The following KAZN variants were observed in gnomAD, a reference collection of about 807,000 sequenced individuals.
KAZN encodes kazrin.
In KAZN, 40 loss-of-function variants were observed where a neutral mutation model predicts 87.4. That is an observed-to-expected ratio of 0.46 (90% confidence interval 0.36 to 0.60). The LOEUF (loss-of-function observed/expected upper bound fraction) is 0.60, where lower values mean the gene tolerates loss of function less well. KAZN is among the 20% of genes least tolerant of loss of function. KAZN has a pLI of 0.00. For synonymous variants in KAZN, 466 were observed against 458.3 expected (o/e 1.02, Z -0.22); for missense variants, 898 against 1,073.9 (o/e 0.84, Z 2.29).
chr1:14,166,592 T>C (rs376454723), intron 1 of KAZN, among the ~76,000 whole-genome samples: 3 of 124,508 alleles, frequency 2.4e-5, no homozygotes, highest in African/African-American at 1.1e-4. Flanking sequence ...GCTGCTTTTG[T>C]TATAAATTTG....
At chr1:14,060,864 C>T (rs1450671917) in intron 1 of KAZN, among the ~76,000 whole-genome samples, 2 of 152,164 alleles carry the variant, frequency 1.3e-5, no homozygotes, top group African/African-American at 4.8e-5. Flanking sequence ...TTTGGTCACC[C>T]TCCATGTAAG....
Position 14,336,819 on chromosome 1 carries a change from A to AT in KAZN, c.249+156234dup, listed in dbSNP as rs905371977. On this transcript the variant is annotated intron_variant, in intron 2 of 16. Coordinates refer to the KAZN transcript ENST00000636203. Reference sequence around the variant, plus strand: ...TTTCTTTGTCTCTTTGTTGAATTATATTTTTTTATATAATCTGGTACTATA... The same window carrying AT: ...TTTCTTTGTCTCTTTGTTGAATTATATTTTTTTTATATAATCTGGTACTATA... Among the ~76,000 whole-genome samples, 5 of 152,066 alleles carry AT rather than the reference A, an allele frequency of 3.3e-5. No homozygotes were observed. In the East Asian group the frequency reaches 7.7e-4, roughly 23 times the overall value.
chr1:14,713,793 A>G (rs59584897), intron 1 of KAZN, among the ~76,000 whole-genome samples: 67 of 61,620 alleles, frequency 1.1e-3, no homozygotes, highest in South Asian at 4.6e-3. Flanking sequence ...AAAAAAAAAA[A>G]AAAAAAAGAA....
chr1:14,162,186 A>T (rs989500729), intron 1 of KAZN, among the ~76,000 whole-genome samples: 5 of 152,180 alleles, frequency 3.3e-5, no homozygotes, highest in African/African-American at 4.8e-5. Flanking sequence ...TGTAGCTGCA[A>T]AGTTTTCTTA....
intron 1 of KAZN, among the ~76,000 whole-genome samples, chr1:14,863,666 G>A (rs1477147926): frequency 5.3e-5 from 8 of 152,178 alleles, no homozygotes; most frequent in Non-Finnish European, 7.3e-5. Flanking sequence ...TCCAAATCCC[G>A]TGATGGCTCT....
chr1:14,120,889 T>A (rs1206101886), intron 1 of KAZN, among the ~76,000 whole-genome samples: 2 of 152,134 alleles, frequency 1.3e-5, no homozygotes, highest in African/African-American at 4.8e-5. Flanking sequence ...ACTATAGTGA[T>A]TGAGTCAAGG....
At chr1:14,828,779 T>C (rs1646971056) in intron 1 of KAZN, among the ~76,000 whole-genome samples, 1 of 150,302 alleles carries the variant, frequency 6.7e-6, no homozygotes, top group South Asian at 2.1e-4. Flanking sequence ...GAACCCAGTC[T>C]CTTTCCATCT....
At chr1:14,047,735 G>T (rs868214630) in intron 1 of KAZN, among the ~76,000 whole-genome samples, 1 of 152,090 alleles carries the variant, frequency 6.6e-6, no homozygotes, top group Non-Finnish European at 1.5e-5. Flanking sequence ...GGGTGTGGTG[G>T]CACACACCTG....
At chr1:14,847,505 C>T (rs2100963124) in intron 1 of KAZN, among the ~76,000 whole-genome samples, 1 of 152,340 alleles carries the variant, frequency 6.6e-6, no homozygotes, top group South Asian at 2.1e-4. Flanking sequence ...ATAGTCCAAT[C>T]CTTGCCTTGG....
chr1:15,111,166 C>A (rs571335938), intron 13 of KAZN, among the ~76,000 whole-genome samples: 28 of 152,200 alleles, frequency 1.8e-4, no homozygotes, highest in Non-Finnish European at 3.8e-4. Flanking sequence ...AGTGCTGTCT[C>A]CTACACACCA....
intron 2 of KAZN, among the ~76,000 whole-genome samples, chr1:14,381,636 T>C (rs934029311): frequency 1.3e-5 from 2 of 152,068 alleles, no homozygotes; most frequent in Non-Finnish European, 2.9e-5. Context: ...CCATTCATGA[T>C]AAAAACCCTC....
intron 1 of KAZN, among the ~76,000 whole-genome samples, chr1:13,933,118 T>G (rs1285748114): frequency 1.3e-5 from 2 of 152,160 alleles, no homozygotes; most frequent in African/African-American, 4.8e-5. Flanking sequence ...TTATTTGGGT[T>G]TCACTAGTTT....
At chr1:13,944,774 A>G (rs1261450099) in intron 1 of KAZN, among the ~76,000 whole-genome samples, 1 of 152,106 alleles carries the variant, frequency 6.6e-6, no homozygotes, top group Non-Finnish European at 1.5e-5. Flanking sequence ...TAATTAAAAT[A>G]CTTGATTAAT....
intron 2 of KAZN, among the ~76,000 whole-genome samples, chr1:14,249,397 A>G (rs1277495479): frequency 6.6e-6 from 1 of 152,254 alleles, no homozygotes; most frequent in Non-Finnish European, 1.5e-5. Context: ...CAGAGAAATT[A>G]TCGTCAACAA....
At chr1:14,684,625 T>C (rs1640854119) in intron 1 of KAZN, among the ~76,000 whole-genome samples, 1 of 152,252 alleles carries the variant, frequency 6.6e-6, no homozygotes, top group African/African-American at 2.4e-5. Flanking sequence ...TTCTTCGCTC[T>C]TTCTAGCTTC....
intron 1 of KAZN, among the ~76,000 whole-genome samples, chr1:14,889,217 G>A (rs1219267579): frequency 6.6e-6 from 1 of 152,172 alleles, no homozygotes; most frequent in Non-Finnish European, 1.5e-5. Flanking sequence ...ATCTGCCATT[G>A]ATGGGAGAAA....
At chr1:14,849,016 G>A (rs1243346401) in intron 1 of KAZN, among the ~76,000 whole-genome samples, 1 of 152,158 alleles carries the variant, frequency 6.6e-6, no homozygotes, top group Non-Finnish European at 1.5e-5. Flanking sequence ...ATTGAGGTTG[G>A]GGGCCCCGGG....
chr1:14,990,249 G>T (rs1434447474), intron 2 of KAZN, among the ~76,000 whole-genome samples: 1 of 152,098 alleles, frequency 6.6e-6, no homozygotes, highest in Non-Finnish European at 1.5e-5. Flanking sequence ...GGGAGACAGG[G>T]TCTGGCTCTG....
At chr1:14,250,928 A>G (rs1416675451) in intron 2 of KAZN, among the ~76,000 whole-genome samples, 1 of 152,170 alleles carries the variant, frequency 6.6e-6, no homozygotes, top group Non-Finnish European at 1.5e-5. Flanking sequence ...AAATGTTAGG[A>G]ATCTCCAAAC....
Sources: gnomAD v4.1 joint callset for allele counts (sites outside exome capture counted in the v4.1 genomes callset) on GRCh38, gnomAD v4.1.1 for gene constraint, MANE v1.5 for transcripts, NCBI Gene and HGNC (gene_info 2026-07-23, HGNC 2026-07-21) for gene names.